The following ACRV1 variants were observed in gnomAD, a reference collection of about 807,000 sequenced individuals.
ACRV1 encodes acrosomal protein SP-10.
Under a neutral mutation model 29.2 loss-of-function variants are expected in ACRV1, and 17 were observed. The observed-to-expected ratio is 0.58, with a 90% CI of 0.40 to 0.87. The LOEUF is 0.87. Among genes scored for constraint, ACRV1 ranks in the 40% least tolerant of loss-of-function variants. The pLI is 0.00. For missense variants in ACRV1, 294 were observed against 316.0 expected (o/e 0.93, Z 0.53); for synonymous variants, 98 against 111.6 (o/e 0.88, Z 0.77).
intron 3 of ACRV1, among the ~76,000 whole-genome samples, chr11:125,675,186 A>G (rs529652615): frequency 6.6e-6 from 1 of 152,322 alleles, no homozygotes; most frequent in African/African-American, 2.4e-5. Context: ...TACAAACAAG[A>G]TTGAGAACTC....
At chr11:125,678,328 G>C in intron 1 of ACRV1, 31 bp from the exon 2 acceptor site, 1 of 1,604,386 alleles carries the variant, frequency 6.2e-7, no homozygotes, top group Non-Finnish European at 8.5e-7. Context: ...AAGAGAGTTG[G>C]TGAAGCTGAC....
In ACRV1 at chr11:125,671,815, T is replaced by C. The variant is rs1942210682; in HGVS notation, c.*778A>G. The stretch of plus-strand genomic sequence containing the variant: ...CTTTCCTGTCTACCACTCTGGGATC[T>C]TTCCTGAGGATCAGATGAGACCGTG... On this transcript the variant is annotated 3_prime_UTR_variant, in exon 4 of 4. Transcript: ENST00000533904. The C allele has an allele frequency of 6.6e-6, 1 of 152,242 alleles. No homozygotes were observed. The highest frequency in any genetic ancestry group is 2.4e-5 in the African/African-American group (1 of 41,462). The allele number at this position is 152,242 out of a possible 1,614,324, so 9.4% of individuals were successfully genotyped here.
intron 2 of ACRV1, 77 bp downstream of exon 2, chr11:125,677,720 T>A (rs1401661695): frequency 4.4e-6 from 7 of 1,574,058 alleles, no homozygotes; most frequent in Non-Finnish European, 6.1e-6. Flanking sequence ...ACTCCTTCCC[T>A]AAAATTGGGT....
intron 3 of ACRV1, among the ~76,000 whole-genome samples, chr11:125,674,486 G>T (rs538589229): frequency 6.6e-6 from 1 of 152,214 alleles, no homozygotes; most frequent in African/African-American, 2.4e-5. Flanking sequence ...GGTGACTTGC[G>T]TAGCTGGAGT....
Position 125,672,681 on chromosome 11 carries a change from T to A in ACRV1, c.710A>T (p.Asn237Ile), listed in dbSNP as rs184197662. 2,697 of 1,614,136 alleles carry A rather than the reference T, an allele frequency of 1.7e-3. 69 individuals carry two copies. The South Asian group carries it at 0.024, about 14-fold the overall frequency. Residue 237 changes from asparagine (N) to isoleucine (I), a missense_variant, in exon 4 of 4, where the codon AAC becomes ATC. Coordinates refer to ENST00000533904, the MANE Select transcript of ACRV1 (RefSeq NM_001612.6). ...KLQFMVQGCE[N>I]MCPSMNLFSH... ...GAAGAGGTTCATAGATGGGCACATG[T>A]TCTCACACCCTTGAACCATGAATTG...
intron 2 of ACRV1, among the ~76,000 whole-genome samples, chr11:125,677,178 A>G (rs1390849292): frequency 6.6e-6 from 1 of 152,244 alleles, no homozygotes; most frequent in Non-Finnish European, 1.5e-5. Context: ...ATTTAGAATA[A>G]TGATATTTAA....
At chr11:125,675,240 C>A (rs1056102189) in intron 3 of ACRV1, among the ~76,000 whole-genome samples, 9 of 152,186 alleles carry the variant, frequency 5.9e-5, no homozygotes, top group African/African-American at 2.2e-4. Context: ...TTTCTGAATA[C>A]CACCTTCTCC....
chr11:125,680,810 G>A lies in ACRV1; in HGVS notation c.-30C>T, dbSNP rs76702021. The A allele has an allele frequency of 5.0e-6, 8 of 1,590,192 alleles. No homozygotes were observed. In the East Asian group the frequency reaches 1.8e-4, roughly 36 times the overall value. ...ATTTAGGAAAAGAGGGGACCCCAGT[G>A]TGGGCCACAGCTTCTTCACAGAGCT... On this transcript the variant is annotated 5_prime_UTR_variant, in exon 1 of 4. Transcript: ENST00000533904.
intron 3 of ACRV1, among the ~76,000 whole-genome samples, chr11:125,675,502 A>G (rs1335965077): frequency 2.0e-5 from 3 of 152,318 alleles, no homozygotes; most frequent in Non-Finnish European, 2.9e-5. Flanking sequence ...CTAGTGAGGA[A>G]GAAGAAAAAC....
chr11:125,673,607 A>G (rs1942322139), intron 3 of ACRV1, among the ~76,000 whole-genome samples: 1 of 152,126 alleles, frequency 6.6e-6, no homozygotes, highest in African/African-American at 2.4e-5. Context: ...TTGAACTGTC[A>G]CATTACCAAC....
At chr11:125,679,207 C>T (rs1199694162) in intron 1 of ACRV1, among the ~76,000 whole-genome samples, 4 of 93,178 alleles carry the variant, frequency 4.3e-5, no homozygotes, top group Admixed American at 1.3e-4. Flanking sequence ...ACCTTTAATC[C>T]GTCTCTTTCT....
intron 3 of ACRV1, among the ~76,000 whole-genome samples, chr11:125,674,499 G>C (rs1238003365): frequency 6.6e-6 from 1 of 152,224 alleles, no homozygotes; most frequent in Non-Finnish European, 1.5e-5. Flanking sequence ...GCTGGAGTAA[G>C]TGTAGAGTGT....
chr11:125,680,140 ATTGT>A (rs1387122477), intron 1 of ACRV1, among the ~76,000 whole-genome samples: 23 of 152,200 alleles, frequency 1.5e-4, no homozygotes, highest in African/African-American at 5.5e-4. Context: ...TAGAAAATAC[ATTGT>A]TTTTTCACTG....
chr11:125,678,036 T>G lies in ACRV1; in HGVS notation c.314A>C (p.Glu105Ala). 2.5e-6 allele frequency: 4 copies of G among 1,614,096 alleles called. No homozygotes were observed. The highest frequency in any genetic ancestry group is 3.4e-6 in the Non-Finnish European group (4 of 1,180,008). Residue 105 changes from glutamate to alanine, a missense_variant, in exon 2 of 4, where the codon GAA becomes GCA. Glu to Ala is a moderately radical substitution (Grantham distance 107). Coordinates refer to ENST00000533904, the MANE Select transcript of ACRV1 (RefSeq NM_001612.6). ...SGEPAATEHA[E>A]GEHTVGEQPS... is the part of the protein sequence containing the mutation. ...CTGCTCACCTACAGTATGCTCACCT[T>G]CAGCATGTTCAGTCGCAGCGGGCTC... is the stretch of plus-strand genomic sequence containing the variant.
chr11:125,672,481 G>C lies in ACRV1; in HGVS notation c.*112C>G. ...GTTTGAGCATCCTAATGCTCAGGCA[G>C]AGGCAGATGTGGTCAGTTGTTGACT... On this transcript the variant is annotated 3_prime_UTR_variant, in exon 4 of 4. Transcript: ENST00000533904. 1 of 1,272,986 alleles carries C rather than the reference G, an allele frequency of 7.9e-7. No homozygotes were observed. The highest frequency in any genetic ancestry group is 1.1e-6 in the Non-Finnish European group (1 of 913,856). 78.9% of individuals were successfully genotyped at this position (1,272,986 alleles called of 1,614,324 possible). A position where few individuals can be genotyped will look rare whatever the true frequency, so the allele number is the denominator to read the frequency against.
chr11:125,672,729 A>G lies in ACRV1; in HGVS notation c.674-12T>C. On this transcript the variant is annotated splice_polypyrimidine_tract_variant and intron_variant, in intron 3 of 3. Transcript: ENST00000533904. ...TTGGAGTTTTCCACCTGAAAGGAGC[A>G]GAGACAGACTAGTGAGCAGAAAGCT... The G allele has an allele frequency of 6.2e-7, 1 of 1,613,916 alleles. No homozygotes were observed. Among genetic ancestry groups the G allele is most frequent in the Non-Finnish European group, 8.5e-7 (1 of 1,179,966 alleles).
intron 3 of ACRV1, among the ~76,000 whole-genome samples, 198 bp from the exon 4 acceptor site, chr11:125,672,915 G>A (rs777778627): frequency 2.6e-5 from 4 of 152,004 alleles, no homozygotes; most frequent in Non-Finnish European, 5.9e-5. Context: ...TTGTCAGTCC[G>A]TTTCTATGGA....
chr11:125,678,591 ACC>A (rs757925273), intron 1 of ACRV1, among the ~76,000 whole-genome samples: 4 of 152,016 alleles, frequency 2.6e-5, no homozygotes, highest in Non-Finnish European at 4.4e-5. Flanking sequence ...TGTACAAAAA[ACC>A]CCTGAAGGAA....
intron 2 of ACRV1, among the ~76,000 whole-genome samples, chr11:125,677,535 T>C (rs536021645): frequency 1.2e-4 from 19 of 152,292 alleles, no homozygotes; most frequent in Middle Eastern, 6.8e-3. Context: ...TAATTTCTTA[T>C]GGAGAGTGAA....
Sources: gnomAD v4.1 joint callset for allele counts (sites outside exome capture counted in the v4.1 genomes callset) on GRCh38, gnomAD v4.1.1 for gene constraint, MANE v1.5 for transcripts, NCBI Gene and HGNC (gene_info 2026-07-23, HGNC 2026-07-21) for gene names.